The following TRMU variants were observed in gnomAD, a reference collection of about 807,000 sequenced individuals.
The protein encoded by TRMU is mitochondrial tRNA-specific 2-thiouridylase 1.
A neutral mutation model predicts 46.9 loss-of-function variants in TRMU; 49 were observed. The observed-to-expected ratio is 1.05, with a 90% CI of 0.83 to 1.33. TRMU has a LOEUF of 1.33. Ranked by LOEUF, TRMU falls within the 40% of genes most tolerant of loss-of-function variation. The pLI is 0.00. For synonymous variants in TRMU, 241 were observed against 200.9 expected (o/e 1.20, Z -1.69); for missense variants, 572 against 532.4 (o/e 1.07, Z -0.73).
chr22:46,350,162 C>A lies in TRMU; in HGVS notation c.479-129C>A. Reference sequence around the variant, plus strand: ...GTGGTGGTCTTTTCCCTAGTAGTTGCTATTGAGTGTTGATGTCTGCCTCTG... The same window carrying A: ...GTGGTGGTCTTTTCCCTAGTAGTTGATATTGAGTGTTGATGTCTGCCTCTG... On this transcript the variant is annotated intron_variant, in intron 4 of 10. Transcript: ENST00000645190. The surrounding 1 kb of genome is among the most constrained non-coding windows in gnomAD (Gnocchi z 4.6). 9.6e-7 allele frequency: 1 copy of A among 1,039,998 alleles called. No individual in the cohort carries two copies. The highest frequency in any genetic ancestry group is 1.4e-6 in the Non-Finnish European group (1 of 692,912). The allele number at this position is 1,039,998 out of a possible 1,614,324, so 64.4% of individuals were successfully genotyped here. A position where few individuals can be genotyped will look rare whatever the true frequency, so the allele number is the denominator to read the frequency against.
At chr22:46,356,175 G>A in intron 10 of TRMU, 103 bp downstream of exon 10, 3 of 1,346,144 alleles carry the variant, frequency 2.2e-6, no homozygotes, top group South Asian at 1.2e-5. Flanking sequence ...GGAGTAGGGT[G>A]TGCTCGGGTC....
chr22:46,336,060 C>G lies in TRMU; in HGVS notation c.82+214C>G. On this transcript the variant is annotated intron_variant, in intron 1 of 10. Transcript: ENST00000645190. This position sits in a 1 kb window ranked among gnomAD's most constrained non-coding sequence, Gnocchi z 4.1. ...TGTGCGCGACTGCAGCTCCGACTACCTGGGAGCAGTTCCGCGCCCCTCTCC... is the reference window on the plus strand; with the variant it reads ...TGTGCGCGACTGCAGCTCCGACTACGTGGGAGCAGTTCCGCGCCCCTCTCC... 7.1e-7 allele frequency: 1 copy of G among 1,399,924 alleles called. No homozygotes were observed. Among genetic ancestry groups the G allele is most frequent in the South Asian group, 1.6e-5 (1 of 64,512 alleles). 86.7% of individuals were successfully genotyped at this position (1,399,924 alleles called of 1,614,324 possible). A position where few individuals can be genotyped will look rare whatever the true frequency, so the allele number is the denominator to read the frequency against.
In TRMU at chr22:46,336,062, G is replaced by T; in HGVS notation, c.82+216G>T. On this transcript the variant is annotated intron_variant, in intron 1 of 10. Transcript: ENST00000645190. This position sits in a 1 kb window ranked among gnomAD's most constrained non-coding sequence, Gnocchi z 4.1. Reference sequence around the variant, plus strand: ...TGCGCGACTGCAGCTCCGACTACCTGGGAGCAGTTCCGCGCCCCTCTCCAC... The same window carrying T: ...TGCGCGACTGCAGCTCCGACTACCTTGGAGCAGTTCCGCGCCCCTCTCCAC... 5 of 1,401,674 alleles carry T rather than the reference G, an allele frequency of 3.6e-6. No homozygotes were observed. In the South Asian group the frequency reaches 7.7e-5, roughly 22 times the overall value. 86.8% of individuals were successfully genotyped at this position (1,401,674 alleles called of 1,614,324 possible). A position where few individuals can be genotyped will look rare whatever the true frequency, so the allele number is the denominator to read the frequency against.
intron 7 of TRMU, 93 bp from the exon 8 acceptor site, chr22:46,353,673 TG>T: frequency 8.6e-7 from 1 of 1,165,010 alleles, no homozygotes; most frequent in Non-Finnish European, 1.3e-6. Flanking sequence ...GGGCCTGCTC[TG>T]GGCTGCCCTC....
chr22:46,343,458 T>C, intron 3 of TRMU, 90 bp downstream of exon 3: 1 of 971,930 alleles, frequency 1.0e-6, no homozygotes, highest in Non-Finnish European at 1.6e-6. Flanking sequence ...CGATCATGAC[T>C]CACTGCAGCC....
chr22:46,355,838 C>A, intron 9 of TRMU, 152 bp from the exon 10 acceptor site: 2 of 1,027,926 alleles, frequency 1.9e-6, no homozygotes, highest in Non-Finnish European at 2.9e-6. Context: ...CCCGCAGTGT[C>A]CTGCTGCGTC....
chr22:46,337,601 G>A (rs896891814), intron 1 of TRMU, among the ~76,000 whole-genome samples, 178 bp from the exon 2 acceptor site: 2 of 152,194 alleles, frequency 1.3e-5, no homozygotes, highest in African/African-American at 4.8e-5. Context: ...TGGGGACTCA[G>A]GCACCAAGAT....
Position 46,343,307 on chromosome 22 carries a change from CAT to C in TRMU, c.296_297del (p.Ile99SerfsTer9). 6.2e-7 allele frequency: 1 copy of C among 1,613,800 alleles called. No homozygotes were observed. Among genetic ancestry groups the C allele is most frequent in the Non-Finnish European group, 8.5e-7 (1 of 1,179,948 alleles). On this transcript the variant is annotated frameshift_variant, in exon 3 of 11. Transcript: ENST00000645190. LOFTEE classifies it high-confidence loss of function. ...AAAAAGGAAGGACTCCCAATCCTGA[CAT>C]AGTTTGCAACAAGCACATCAAATTT... is the stretch of plus-strand genomic sequence containing the variant. ...YEKGRTPNPD[I>X]VCNKHIKFSC...
intron 3 of TRMU, among the ~76,000 whole-genome samples, chr22:46,345,574 T>C (rs777269623): frequency 2.0e-5 from 3 of 152,174 alleles, no homozygotes; most frequent in Admixed American, 6.5e-5. Flanking sequence ...ATCAAAGGAA[T>C]AGACCTGAGA....
rs1237354252 is a variant in TRMU, at chr22:46,351,685, T to C, written c.652-436T>C. The C allele has an allele frequency of 6.6e-6, 2 of 305,156 alleles. No individual in the cohort carries two copies. The highest frequency in any genetic ancestry group is 1.3e-5 in the Non-Finnish European group (2 of 155,982). 18.9% of individuals were successfully genotyped at this position (305,156 alleles called of 1,614,324 possible). On this transcript the variant is annotated intron_variant, in intron 5 of 10. Transcript: ENST00000645190. This position sits in a 1 kb window ranked among gnomAD's most constrained non-coding sequence, Gnocchi z 6.4. Reference sequence around the variant, plus strand: ...GCGCACGCCACCCAGGCTCCCCAGCTAGGGCAGATGTGCTTGAGGAAGGCG... The same window carrying C: ...GCGCACGCCACCCAGGCTCCCCAGCCAGGGCAGATGTGCTTGAGGAAGGCG...
At chr22:46,356,474 G>A (rs2078612504) in intron 10 of TRMU, 1 of 419,280 alleles carries the variant, frequency 2.4e-6, no homozygotes. Flanking sequence ...GGGGCAGGTG[G>A]TGGGAGGGAA....
At position 46,357,080 on chromosome 22, in the gene TRMU, C is replaced by G; in HGVS notation, c.*74C>G. ...GGCGGCTGGTGAGCAGTCCAGGTGCCCAAGGGCCAGCTTGCTGCTGCCCAA... is the reference window on the plus strand; with the variant it reads ...GGCGGCTGGTGAGCAGTCCAGGTGCGCAAGGGCCAGCTTGCTGCTGCCCAA... On this transcript the variant is annotated 3_prime_UTR_variant, in exon 11 of 11. Coordinates refer to ENST00000645190, the MANE Select transcript of TRMU (RefSeq NM_018006.5). 1 of 1,594,656 alleles carries G rather than the reference C, an allele frequency of 6.3e-7. No homozygotes were observed. Among genetic ancestry groups the G allele is most frequent in the Non-Finnish European group, 8.6e-7 (1 of 1,169,152 alleles).
rs950730026 is a variant in TRMU at position 46,349,252 on chromosome 22, A to C, written c.479-1039A>C. Among the ~76,000 whole-genome samples the C allele has an allele frequency of 6.6e-6, 1 of 151,912 alleles. No homozygotes were observed. The highest frequency in any genetic ancestry group is 1.5e-5 in the Non-Finnish European group (1 of 67,980). On this transcript the variant is annotated intron_variant, in intron 4 of 10. Transcript: ENST00000645190. The surrounding 1 kb of genome is among the most constrained non-coding windows in gnomAD (Gnocchi z 4.6). ...GCTGTTTGTACCTGCCAAGTAAGGG[A>C]GGGGGACTCGGGAGGCTGGGCAGCC...
intron 7 of TRMU, chr22:46,353,087 C>G (rs1257760507): frequency 6.2e-6 from 1 of 161,990 alleles, no homozygotes; most frequent in Non-Finnish European, 1.4e-5. Context: ...GGAGCCGGGG[C>G]TAGGCATTCC....
chr22:46,355,979 C>G lies in TRMU; in HGVS notation c.1019-11C>G. On this transcript the variant is annotated splice_polypyrimidine_tract_variant and intron_variant, in intron 9 of 10. Transcript: ENST00000645190. ...CTGTGCCCCCTCCAAGGGCCCCTCTCTTCTACCCAGTGCCCTGTGTGCTGA... is the reference window on the plus strand; with the variant it reads ...CTGTGCCCCCTCCAAGGGCCCCTCTGTTCTACCCAGTGCCCTGTGTGCTGA... The G allele has an allele frequency of 6.2e-7, 1 of 1,613,948 alleles. No individual in the cohort carries two copies. The highest frequency in any genetic ancestry group is 8.5e-7 in the Non-Finnish European group (1 of 1,179,970).
intron 4 of TRMU, among the ~76,000 whole-genome samples, chr22:46,346,809 G>A (rs1056872872): frequency 6.6e-6 from 1 of 152,240 alleles, no homozygotes; most frequent in Admixed American, 6.5e-5. Context: ...TCCAGCTCTC[G>A]ACACTGTGTG....
In TRMU at chr22:46,343,364, T is replaced by C. The variant is rs117710834; in HGVS notation, c.351T>C (p.Asn117=). ...FSCFFHYAVD[N]LGADAIATGH... is the part of the protein sequence containing the mutation. ...GCTTTTTTCATTATGCTGTGGATAA[T>C]CTTGGTAAGTAATTTGGGTTTAAAA... Residue 117 remains asparagine, a synonymous_variant, in exon 3 of 11, where the codon AAT becomes AAC. Transcript: ENST00000645190. 157 of 1,612,396 alleles carry C rather than the reference T, an allele frequency of 9.7e-5. 1 individual carries two copies. In the East Asian group the frequency reaches 2.9e-3, roughly 30 times the overall value.
At position 46,356,899 on chromosome 22, in the gene TRMU, G is replaced by C; in HGVS notation, c.1159G>C (p.Gly387Arg). 1 of 1,613,342 alleles carries C rather than the reference G, an allele frequency of 6.2e-7. No homozygotes were observed. Among genetic ancestry groups the C allele is most frequent in the South Asian group, 1.1e-5 (1 of 91,084 alleles). Residue 387 changes from glycine to arginine, a missense_variant, in exon 11 of 11, where the codon GGG becomes CGG. Transcript: ENST00000645190. ...GGGCAGCGGGAAGATCCTGCGGCTGGGGCCGTCTGCCTACACGCTCCAGAA... is the reference window on the plus strand; with the variant it reads ...GGGCAGCGGGAAGATCCTGCGGCTGCGGCCGTCTGCCTACACGCTCCAGAA... ...CLGSGKILRL[G>R]PSAYTLQKGQ... is the part of the protein sequence containing the mutation.
intron 7 of TRMU, chr22:46,352,673 C>T (rs1264086142): frequency 5.0e-6 from 2 of 397,812 alleles, no homozygotes; most frequent in African/African-American, 4.1e-5. Flanking sequence ...AAACTCCACT[C>T]TGATTCAGGG....
Sources: allele counts gnomAD v4.1 joint callset (sites outside exome capture counted in the v4.1 genomes callset), GRCh38; gene constraint gnomAD v4.1.1; non-coding constraint Gnocchi (gnomAD v3.1); transcripts MANE v1.5; gene names NCBI Gene and HGNC (gene_info 2026-07-23, HGNC 2026-07-21).